The following ME3 variants were observed in gnomAD, a reference collection of about 807,000 sequenced individuals.
ME3 encodes the protein malic enzyme 3.
A neutral mutation model predicts 68.9 loss-of-function variants in ME3; 48 were observed. The observed-to-expected ratio is 0.70, with a 90% CI of 0.55 to 0.89. ME3 has a LOEUF of 0.89. Ranked by LOEUF, ME3 falls within the 40% of genes least tolerant of loss-of-function variation. ME3 has a pLI of 0.00. For synonymous variants in ME3, 320 were observed against 318.8 expected (o/e 1.00, Z -0.04); for missense variants, 675 against 797.4 (o/e 0.85, Z 1.85).
At chr11:86,578,920 A>G (rs1383899405) in intron 2 of ME3, among the ~76,000 whole-genome samples, 1 of 152,170 alleles carries the variant, frequency 6.6e-6, no homozygotes, top group African/African-American at 2.4e-5. Context: ...CCCATTTTGC[A>G]GATAGGAAAG....
intron 2 of ME3, among the ~76,000 whole-genome samples, chr11:86,662,662 ATGT>A (rs759104611): frequency 3.9e-5 from 6 of 152,226 alleles, no homozygotes; most frequent in Non-Finnish European, 5.9e-5. Flanking sequence ...CTACCTCAAA[ATGT>A]TGTGGTATTG....
chr11:86,631,304 G>T (rs771501411), intron 2 of ME3, among the ~76,000 whole-genome samples: 1 of 152,128 alleles, frequency 6.6e-6, no homozygotes, highest in Non-Finnish European at 1.5e-5. Flanking sequence ...CCCCTTCTCT[G>T]CACATTAATG....
chr11:86,645,455 G>A (rs1047501229), intron 2 of ME3, among the ~76,000 whole-genome samples: 27 of 152,162 alleles, frequency 1.8e-4, no homozygotes, highest in African/African-American at 6.3e-4. Context: ...AGGAAGTTTG[G>A]ACTGTGCGGA....
At chr11:86,509,398 T>TCACACACACACACA (rs3045014) in intron 4 of ME3, among the ~76,000 whole-genome samples, 20 of 144,662 alleles carry the variant, frequency 1.4e-4, no homozygotes, top group African/African-American at 4.9e-4. Flanking sequence ...TACTCCATCA[T>TCACACACACACACA]CACACACACA....
intron 2 of ME3, among the ~76,000 whole-genome samples, chr11:86,624,333 A>G (rs1328982069): frequency 6.6e-6 from 1 of 152,224 alleles, no homozygotes; most frequent in Non-Finnish European, 1.5e-5. Context: ...AAACCAGCAG[A>G]GATTTAGCAT....
At chr11:86,599,045 T>C (rs1030192679) in intron 2 of ME3, among the ~76,000 whole-genome samples, 12 of 152,078 alleles carry the variant, frequency 7.9e-5, no homozygotes, top group Non-Finnish European at 1.2e-4. Flanking sequence ...GCAGAGTGCC[T>C]CTCCTCCTCC....
intron 4 of ME3, 152 bp downstream of exon 4, chr11:86,556,401 T>C: frequency 3.1e-6 from 3 of 975,260 alleles, no homozygotes; most frequent in Non-Finnish European, 4.3e-6. Flanking sequence ...GTCATTTTTC[T>C]GAGCAAGTGC....
intron 2 of ME3, among the ~76,000 whole-genome samples, chr11:86,560,750 A>G (rs2168862): frequency 0.04 from 828 of 20,680 alleles, 22 homozygotes; most frequent in South Asian, 0.13. Context: ...GTGTGTGTGT[A>G]TATATATATA....
At chr11:86,613,172 C>T (rs1236806854) in intron 2 of ME3, among the ~76,000 whole-genome samples, 1 of 152,150 alleles carries the variant, frequency 6.6e-6, no homozygotes, top group African/African-American at 2.4e-5. Context: ...GAGACCCTTT[C>T]CCCATTGCTT....
At chr11:86,450,369 A>G in exon 9 of ME3, 1 of 1,614,044 alleles carries the variant, frequency 6.2e-7, no homozygotes, top group Non-Finnish European at 8.5e-7. Context: ...AGAGCAGCCA[A>G]GATCCCTGCC....
intron 2 of ME3, among the ~76,000 whole-genome samples, chr11:86,652,347 G>A (rs1422575975): frequency 6.6e-6 from 1 of 152,154 alleles, no homozygotes; most frequent in African/African-American, 2.4e-5. Flanking sequence ...CCAGAGAAAA[G>A]GCTCGGGTTA....
chr11:86,527,076 G>A (rs906502370), intron 4 of ME3, among the ~76,000 whole-genome samples: 38 of 152,202 alleles, frequency 2.5e-4, no homozygotes, highest in African/African-American at 9.2e-4. Context: ...TGAGCTAAAG[G>A]AGGAAGTTCG....
At chr11:86,560,613 ATT>A (rs1957158624) in intron 2 of ME3, among the ~76,000 whole-genome samples, 1 of 151,786 alleles carries the variant, frequency 6.6e-6, no homozygotes, top group South Asian at 2.1e-4. Context: ...GTAATGATCC[ATT>A]ATTATTAACT....
intron 4 of ME3, among the ~76,000 whole-genome samples, chr11:86,541,833 C>A (rs1301403433): frequency 6.6e-6 from 1 of 152,232 alleles, no homozygotes; most frequent in Non-Finnish European, 1.5e-5. Flanking sequence ...GGTTCCCTGA[C>A]CCCCATGCCT....
intron 13 of ME3, among the ~76,000 whole-genome samples, chr11:86,444,973 G>A (rs1355334366): frequency 6.6e-6 from 1 of 152,182 alleles, no homozygotes; most frequent in African/African-American, 2.4e-5. Flanking sequence ...TTCATGAAAT[G>A]TTGGAGCTGA....
chr11:86,568,054 G>T (rs957165576), intron 2 of ME3, among the ~76,000 whole-genome samples: 1 of 152,146 alleles, frequency 6.6e-6, no homozygotes, highest in Non-Finnish European at 1.5e-5. Flanking sequence ...TACAGTTTCC[G>T]TGTGTCTAGT....
intron 4 of ME3, among the ~76,000 whole-genome samples, chr11:86,511,114 T>C (rs1953490913): frequency 6.6e-6 from 1 of 152,226 alleles, no homozygotes; most frequent in South Asian, 2.1e-4. Flanking sequence ...CTACCTCCTT[T>C]ATCCACGCTT....
At chr11:86,601,142 C>A (rs1322517078) in intron 2 of ME3, among the ~76,000 whole-genome samples, 1 of 151,096 alleles carries the variant, frequency 6.6e-6, no homozygotes. Flanking sequence ...AAAAACCCTT[C>A]AAAAAATTAA....
chr11:86,555,560 A>T (rs1300237905), intron 4 of ME3, among the ~76,000 whole-genome samples: 1 of 152,202 alleles, frequency 6.6e-6, no homozygotes, highest in African/African-American at 2.4e-5. Context: ...ACAGCCAGAC[A>T]CACCACCATC....
Sources: allele counts gnomAD v4.1 joint callset (sites outside exome capture counted in the v4.1 genomes callset), GRCh38; gene constraint gnomAD v4.1.1; transcripts MANE v1.5; gene names NCBI Gene and HGNC (gene_info 2026-07-23, HGNC 2026-07-21).